ZMAT4: variants seen among roughly 807,000 people sequenced by gnomAD.
ZMAT4 encodes the protein zinc finger matrin-type protein 4.
ZMAT4 carries 17 observed loss-of-function variants against 28.7 expected under a neutral mutation model. That is an observed-to-expected ratio of 0.59 (90% CI 0.41 to 0.89). The LOEUF (loss-of-function observed/expected upper bound fraction) is 0.89, where lower values mean the gene tolerates loss of function less well. ZMAT4 is among the 40% of genes least tolerant of loss of function. ZMAT4 has a pLI of 0.00. For synonymous variants in ZMAT4, 117 were observed against 109.2 expected, an observed-to-expected ratio of 1.07 and a Z score of -0.44; for missense variants, 240 against 283.8, an observed-to-expected ratio of 0.85 and a Z score of 1.11.
intron 3 of ZMAT4, among the ~76,000 whole-genome samples, chr8:40,703,845 G>GT (rs1810245988): frequency 1.3e-5 from 2 of 152,200 alleles, no homozygotes; most frequent in South Asian, 2.1e-4. Context: ...TTAAGGTGTT[G>GT]TTTTTTCTCT....
chr8:40,778,088 C>T (rs1303365223), intron 2 of ZMAT4, among the ~76,000 whole-genome samples: 3 of 152,126 alleles, frequency 2.0e-5, no homozygotes, highest in Non-Finnish European at 4.4e-5. Flanking sequence ...ACAACTTAAA[C>T]AAAACTCGCT....
At chr8:40,693,990 G>A (rs1809767130) in intron 4 of ZMAT4, among the ~76,000 whole-genome samples, 1 of 152,222 alleles carries the variant, frequency 6.6e-6, no homozygotes, top group South Asian at 2.1e-4. Context: ...GTTATTCACG[G>A]GGGTGGGGGC....
rs192773767 is a variant in ZMAT4, at chr8:40,549,979, A to T, written c.675-17741T>A. On this transcript the variant is annotated intron_variant, in intron 6 of 6. Coordinates refer to ENST00000297737, the MANE Select transcript of ZMAT4 (RefSeq NM_024645.3). ...ATATTGAGCTTGTCATTCTCCTAAAACTCACCAAACTGCTTTAAACAAATT... is the reference window on the plus strand; with the variant it reads ...ATATTGAGCTTGTCATTCTCCTAAATCTCACCAAACTGCTTTAAACAAATT... Among the ~76,000 whole-genome samples the T allele has an allele frequency of 3.3e-5, 5 of 152,100 alleles. No individual in the cohort carries two copies. In the East Asian group the frequency reaches 9.7e-4, roughly 29 times the overall value.
chr8:40,830,241 AT>A (rs1816231516), intron 1 of ZMAT4, among the ~76,000 whole-genome samples: 2 of 152,158 alleles, frequency 1.3e-5, no homozygotes, highest in South Asian at 4.1e-4. Flanking sequence ...TTACATATGT[AT>A]ACTGCATAAT....
At chr8:40,642,925 TA>T (rs965129845) in intron 5 of ZMAT4, among the ~76,000 whole-genome samples, 1 of 151,946 alleles carries the variant, frequency 6.6e-6, no homozygotes, top group African/African-American at 2.4e-5. Context: ...TTTCTCTGAG[TA>T]AAAAAAGGGT....
At chr8:40,666,309 TA>T (rs1399757094) in intron 5 of ZMAT4, among the ~76,000 whole-genome samples, 1 of 152,170 alleles carries the variant, frequency 6.6e-6, no homozygotes, top group East Asian at 1.9e-4. Context: ...CTTATTAATT[TA>T]AAACTTGGAA....
chr8:40,677,799 T>A (rs540559471), intron 4 of ZMAT4, among the ~76,000 whole-genome samples: 1 of 152,360 alleles, frequency 6.6e-6, no homozygotes, highest in East Asian at 1.9e-4. Context: ...TTAGTTGACA[T>A]GTAGTTAATT....
intron 2 of ZMAT4, among the ~76,000 whole-genome samples, chr8:40,814,392 G>A (rs1489810335): frequency 1.3e-5 from 2 of 152,190 alleles, no homozygotes; most frequent in Non-Finnish European, 2.9e-5. Context: ...ATGTTTTCAA[G>A]TGAACACTGG....
intron 5 of ZMAT4, among the ~76,000 whole-genome samples, chr8:40,632,372 T>C (rs1418822398): frequency 1.3e-5 from 2 of 152,204 alleles, no homozygotes; most frequent in African/African-American, 2.4e-5. Context: ...TAGTTGGTAA[T>C]GTGCAAAACA....
intron 1 of ZMAT4, among the ~76,000 whole-genome samples, chr8:40,828,038 T>C (rs771398676): frequency 5.9e-5 from 9 of 152,274 alleles, no homozygotes; most frequent in African/African-American, 1.4e-4. Flanking sequence ...TCTATTTCAT[T>C]ATAGTCCATC....
At position 40,615,385 on chromosome 8, in the gene ZMAT4, A is replaced by T. The variant is rs112174157; in HGVS notation, c.578-34124T>A. ...TTTTTACCTCATTTCAACTTTGGTG[A>T]ATCTGACAATTATGTGTCTTGGAGT... is the stretch of plus-strand genomic sequence containing the variant. On this transcript the variant is annotated intron_variant, in intron 5 of 6. Coordinates refer to ENST00000297737, the MANE Select transcript of ZMAT4 (RefSeq NM_024645.3). 5.1e-3 allele frequency among the ~76,000 whole-genome samples: 774 copies of T among 152,238 alleles called. 4 individuals are homozygous for T. Among genetic ancestry groups the T allele is most frequent in the African/African-American group, 0.018 (741 of 41,516 alleles).
intron 6 of ZMAT4, among the ~76,000 whole-genome samples, chr8:40,572,841 C>G (rs1804140982): frequency 6.6e-6 from 1 of 152,060 alleles, no homozygotes; most frequent in Non-Finnish European, 1.5e-5. Flanking sequence ...ATGTAAAAGA[C>G]CGTGTCTGGT....
intron 4 of ZMAT4, among the ~76,000 whole-genome samples, chr8:40,690,211 C>G (rs1368860862): frequency 6.6e-6 from 1 of 152,186 alleles, no homozygotes; most frequent in Non-Finnish European, 1.5e-5. Context: ...GTTTCTCCCA[C>G]CAGTGACACC....
intron 1 of ZMAT4, among the ~76,000 whole-genome samples, chr8:40,854,107 T>C (rs796693706): frequency 6.6e-6 from 1 of 152,128 alleles, no homozygotes; most frequent in African/African-American, 2.4e-5. Context: ...CTCATTACCA[T>C]GAAGAGAGTG....
At chr8:40,696,964 T>C (rs1160489745) in intron 4 of ZMAT4, 4 of 304,344 alleles carry the variant, frequency 1.3e-5, no homozygotes, top group African/African-American at 2.1e-5. Context: ...TAATACACAG[T>C]AGGAATGATA....
chr8:40,797,137 C>T (rs1007200174), intron 2 of ZMAT4, among the ~76,000 whole-genome samples: 1 of 152,212 alleles, frequency 6.6e-6, no homozygotes, highest in African/African-American at 2.4e-5. Context: ...TGTCTAACCA[C>T]TGAACCCTCA....
At chr8:40,854,716 G>T (rs1817233363) in intron 1 of ZMAT4, among the ~76,000 whole-genome samples, 2 of 152,262 alleles carry the variant, frequency 1.3e-5, no homozygotes, top group South Asian at 4.1e-4. Context: ...TAAGGCAAAA[G>T]GATGGCAGGG....
intron 5 of ZMAT4, among the ~76,000 whole-genome samples, chr8:40,619,598 G>A (rs555436587): frequency 1.3e-5 from 2 of 152,196 alleles, no homozygotes; most frequent in Non-Finnish European, 2.9e-5. Context: ...CTCTGACACA[G>A]AACAGGGAGA....
At position 40,755,700 on chromosome 8, in the gene ZMAT4, G is replaced by A. The variant is rs182481109; in HGVS notation, c.192+11941C>T. ...ACACCTGGACTCAAGCAATCTGCCC[G>A]CCTTGGCCTCCCAAAATGCTGGGAT... is the stretch of plus-strand genomic sequence containing the variant. On this transcript the variant is annotated intron_variant, in intron 3 of 6. Transcript: ENST00000297737. 1.1e-3 allele frequency among the ~76,000 whole-genome samples: 164 copies of A among 152,234 alleles called. 1 individual carries two copies. Among genetic ancestry groups the A allele is most frequent in the Non-Finnish European group, 2.1e-3 (144 of 68,002 alleles).
Sources: allele counts gnomAD v4.1 joint callset (sites outside exome capture counted in the v4.1 genomes callset), GRCh38; gene constraint gnomAD v4.1.1; transcripts MANE v1.5; gene names NCBI Gene and HGNC (gene_info 2026-07-23, HGNC 2026-07-21).